CHCHD3: variants seen among roughly 807,000 people sequenced by gnomAD.
The protein encoded by CHCHD3 is coiled-coil-helix-coiled-coil-helix domain containing 3, also known as MICOS complex subunit MIC19.
A neutral mutation model predicts 38.2 loss-of-function variants in CHCHD3; 20 were observed. That is an observed-to-expected ratio of 0.52 (90% CI 0.37 to 0.76). The LOEUF (loss-of-function observed/expected upper bound fraction) is 0.76. CHCHD3 is among the 30% of genes least tolerant of loss of function. CHCHD3 has a pLI of 0.00. For synonymous variants in CHCHD3, 82 were observed against 100.0 expected, an observed-to-expected ratio of 0.82 and a Z score of 1.07; for missense variants, 245 against 279.2, an observed-to-expected ratio of 0.88 and a Z score of 0.87.
chr7:133,045,275 T>G (rs1354558554), intron 2 of CHCHD3, among the ~76,000 whole-genome samples: 2 of 151,992 alleles, frequency 1.3e-5, no homozygotes, highest in African/African-American at 4.8e-5. Context: ...ACGAAGAGGT[T>G]CAGACTCACC....
intron 4 of CHCHD3, among the ~76,000 whole-genome samples, chr7:132,944,529 AAT>A (rs1414512885): frequency 1.3e-5 from 2 of 152,026 alleles, no homozygotes; most frequent in East Asian, 1.9e-4. Context: ...ATATGAAAAA[AAT>A]AGTCACAATA....
intron 5 of CHCHD3, among the ~76,000 whole-genome samples, chr7:132,869,331 A>C (rs924312543): frequency 2.0e-5 from 3 of 152,198 alleles, no homozygotes; most frequent in African/African-American, 7.2e-5. Flanking sequence ...ACAATACCAT[A>C]GAATTTAATA....
At chr7:132,839,033 A>C (rs1020103742) in intron 5 of CHCHD3, among the ~76,000 whole-genome samples, 1 of 152,042 alleles carries the variant, frequency 6.6e-6, no homozygotes, top group Admixed American at 6.6e-5. Context: ...TCTACTTTAA[A>C]AAAAAAAAAT....
chr7:133,016,322 T>C (rs1223644822), intron 3 of CHCHD3, among the ~76,000 whole-genome samples: 2 of 152,188 alleles, frequency 1.3e-5, no homozygotes, highest in Admixed American at 6.6e-5. Context: ...TGTGGGTACA[T>C]TGTAGTTGGG....
At chr7:133,021,841 C>T (rs961087532) in intron 3 of CHCHD3, among the ~76,000 whole-genome samples, 3 of 152,088 alleles carry the variant, frequency 2.0e-5, no homozygotes, top group Non-Finnish European at 2.9e-5. Flanking sequence ...AATCCCAGCA[C>T]TTTGGGAGGC....
intron 4 of CHCHD3, among the ~76,000 whole-genome samples, chr7:132,924,454 G>A (rs971903015): frequency 6.6e-6 from 1 of 152,040 alleles, no homozygotes; most frequent in African/African-American, 2.4e-5. Context: ...TTTAAGTATA[G>A]GTAAAAATTA....
intron 6 of CHCHD3, among the ~76,000 whole-genome samples, chr7:132,805,533 C>T (rs994284361): frequency 1.2e-4 from 18 of 151,848 alleles, no homozygotes; most frequent in Admixed American, 8.5e-4. Context: ...AGGGAGGGGC[C>T]GGGATATGGA....
At chr7:132,867,671 T>C (rs1393102706) in intron 5 of CHCHD3, among the ~76,000 whole-genome samples, 1 of 152,198 alleles carries the variant, frequency 6.6e-6, no homozygotes, top group African/African-American at 2.4e-5. Context: ...ATATGTATCA[T>C]GCACATACAG....
chr7:132,820,611 G>GTTTT (rs748470167), intron 6 of CHCHD3, among the ~76,000 whole-genome samples: 90 of 96,180 alleles, frequency 9.4e-4, no homozygotes, highest in African/African-American at 2.8e-3. Context: ...ATGTGCTAGT[G>GTTTT]TTTTTTTTTT....
At chr7:132,957,539 G>C (rs754518639) in intron 4 of CHCHD3, among the ~76,000 whole-genome samples, 1 of 152,072 alleles carries the variant, frequency 6.6e-6, no homozygotes, top group Admixed American at 6.5e-5. Flanking sequence ...CTGCAGTGCA[G>C]TGCCACGATC....
At position 132,884,341 on chromosome 7, in the gene CHCHD3, C is replaced by T. The variant is rs145830161; in HGVS notation, c.453+1321G>A. Among the ~76,000 whole-genome samples, 37 of 152,280 alleles carry T rather than the reference C, an allele frequency of 2.4e-4. No individual in the cohort carries two copies. The East Asian group carries it at 7.0e-3, about 29-fold the overall frequency. ...GACTCTCTTTTCCCATTTTATTCCT[C>T]CCGAAATTATCATAACCTGCCATAC... is the stretch of plus-strand genomic sequence containing the variant. On this transcript the variant is annotated intron_variant, in intron 5 of 7. Coordinates refer to ENST00000262570, the MANE Select transcript of CHCHD3 (RefSeq NM_017812.4).
chr7:133,011,388 T>C (rs79678904), intron 3 of CHCHD3, among the ~76,000 whole-genome samples: 1,943 of 152,342 alleles, frequency 0.013, 36 homozygotes, highest in African/African-American at 0.044. Flanking sequence ...GAGGTGACTT[T>C]GTAATACTAC....
At chr7:132,887,749 T>C (rs1159517816) in intron 4 of CHCHD3, among the ~76,000 whole-genome samples, 1 of 151,870 alleles carries the variant, frequency 6.6e-6, no homozygotes, top group Non-Finnish European at 1.5e-5. Context: ...TAATATGGTG[T>C]CATTATTCAT....
At chr7:133,013,185 C>CAAAA (rs778964079) in intron 3 of CHCHD3, among the ~76,000 whole-genome samples, 32 of 18,372 alleles carry the variant, frequency 1.7e-3, no homozygotes, top group South Asian at 3.6e-3. Context: ...GACTCCGCCT[C>CAAAA]AAAAAAAAAA....
chr7:133,060,927 A>G (rs1814488601), intron 2 of CHCHD3, among the ~76,000 whole-genome samples: 1 of 152,158 alleles, frequency 6.6e-6, no homozygotes, highest in African/African-American at 2.4e-5. Flanking sequence ...AAAAAAACTC[A>G]AAAGGATAAG....
intron 6 of CHCHD3, among the ~76,000 whole-genome samples, chr7:132,826,736 A>G (rs1174234780): frequency 1.3e-5 from 2 of 152,232 alleles, no homozygotes; most frequent in Admixed American, 6.5e-5. Context: ...GGACTCAATA[A>G]ATAGTATGAA....
intron 6 of CHCHD3, among the ~76,000 whole-genome samples, chr7:132,836,248 T>C (rs749922935): frequency 8.5e-5 from 13 of 152,128 alleles, no homozygotes; most frequent in Non-Finnish European, 1.6e-4. Context: ...GCTACCTCAG[T>C]AGCTGGGATT....
intron 3 of CHCHD3, among the ~76,000 whole-genome samples, chr7:132,998,968 A>C (rs1055625368): frequency 2.0e-5 from 3 of 152,170 alleles, no homozygotes; most frequent in African/African-American, 7.2e-5. Context: ...CTCTGAAGAA[A>C]GGACTTTAAA....
At chr7:132,958,908 A>C (rs150150057) in intron 4 of CHCHD3, among the ~76,000 whole-genome samples, 84 of 152,370 alleles carry the variant, frequency 5.5e-4, no homozygotes, top group African/African-American at 2.0e-3. Flanking sequence ...TATCACCACA[A>C]CTGGGAGAGG....
Sources: allele counts gnomAD v4.1 joint callset (sites outside exome capture counted in the v4.1 genomes callset), GRCh38; gene constraint gnomAD v4.1.1; transcripts MANE v1.5; gene names NCBI Gene and HGNC (gene_info 2026-07-23, HGNC 2026-07-21).